Variants in ANGPT1 observed in about 807,000 individuals in gnomAD.
ANGPT1 encodes angiopoietin-1.
Under a neutral mutation model 62.2 loss-of-function variants are expected in ANGPT1, and 17 were observed. The observed-to-expected ratio is 0.27, with a 90% CI of 0.19 to 0.41. ANGPT1 has a LOEUF of 0.41. Ranked by LOEUF, ANGPT1 falls within the 10% of genes least tolerant of loss-of-function variation. The pLI is 1.00. For missense variants in ANGPT1, 478 were observed against 594.9 expected (o/e 0.80, Z 2.04); for synonymous variants, 199 against 198.9 (o/e 1.00, Z 0.00).
intron 2 of ANGPT1, among the ~76,000 whole-genome samples, chr8:107,343,859 C>T (rs560120210): frequency 3.9e-5 from 6 of 152,108 alleles, no homozygotes; most frequent in South Asian, 4.1e-4. Context: ...CCTAGGAGGT[C>T]GAGACCAGCC....
At chr8:107,453,600 C>T (rs1307699290) in intron 1 of ANGPT1, among the ~76,000 whole-genome samples, 1 of 152,044 alleles carries the variant, frequency 6.6e-6, no homozygotes, top group African/African-American at 2.4e-5. Flanking sequence ...CCTCCCACAA[C>T]ACATGGGAAT....
chr8:107,310,999 G>A (rs1335236287), intron 4 of ANGPT1, among the ~76,000 whole-genome samples: 1 of 151,128 alleles, frequency 6.6e-6, no homozygotes, highest in Non-Finnish European at 1.5e-5. Flanking sequence ...GTGTATGTGT[G>A]TGACTGTGTG....
intron 3 of ANGPT1, among the ~76,000 whole-genome samples, chr8:107,323,095 T>C (rs1243925530): frequency 6.6e-6 from 1 of 152,198 alleles, no homozygotes; most frequent in Non-Finnish European, 1.5e-5. Flanking sequence ...GCTCAGAGTG[T>C]TGAAATCTTT....
rs139817221 is a variant in ANGPT1, at chr8:107,484,375, T to C, written c.297+12887A>G. ...GACACTGTTTACCAAGGTAGATTTATTAATACCTTATTTTAAAAAATCATT... is the reference window on the plus strand; with the variant it reads ...GACACTGTTTACCAAGGTAGATTTACTAATACCTTATTTTAAAAAATCATT... On this transcript the variant is annotated intron_variant, in intron 1 of 8. Transcript: ENST00000517746. 4.7e-4 allele frequency among the ~76,000 whole-genome samples: 71 copies of C among 152,312 alleles called. 1 individual carries two copies. The highest frequency in any genetic ancestry group is 1.5e-3 in the African/African-American group (64 of 41,580).
At chr8:107,361,915 C>T (rs1816174576) in intron 1 of ANGPT1, among the ~76,000 whole-genome samples, 1 of 151,932 alleles carries the variant, frequency 6.6e-6, no homozygotes, top group Non-Finnish European at 1.5e-5. Flanking sequence ...AAAACTTAGC[C>T]AGGTGTGGTG....
chr8:107,252,855 C>T (rs904603189), intron 8 of ANGPT1, among the ~76,000 whole-genome samples: 14 of 152,266 alleles, frequency 9.2e-5, no homozygotes, highest in African/African-American at 3.4e-4. Context: ...GCTGAAGTAA[C>T]ACTACTGAAT....
chr8:107,377,065 G>A (rs954633778), intron 1 of ANGPT1, among the ~76,000 whole-genome samples: 1 of 152,060 alleles, frequency 6.6e-6, no homozygotes, highest in Non-Finnish European at 1.5e-5. Context: ...GTAATGAAGT[G>A]TAAGGATGAA....
chr8:107,291,140 G>C (rs1157418199), intron 6 of ANGPT1, among the ~76,000 whole-genome samples: 1 of 152,152 alleles, frequency 6.6e-6, no homozygotes, highest in East Asian at 1.9e-4. Context: ...CATGAATTCA[G>C]ATGGTTTGCA....
At chr8:107,435,752 C>A (rs1245605707) in intron 1 of ANGPT1, among the ~76,000 whole-genome samples, 1 of 152,192 alleles carries the variant, frequency 6.6e-6, no homozygotes. Flanking sequence ...TTATTCATTG[C>A]CCACCATGTG....
intron 1 of ANGPT1, among the ~76,000 whole-genome samples, chr8:107,435,675 A>G (rs867379395): frequency 3.5e-4 from 54 of 152,262 alleles, no homozygotes; most frequent in African/African-American, 1.2e-3. Flanking sequence ...AAAGCTCAAG[A>G]TTGTTTCTCA....
At position 107,285,468 on chromosome 8, in the gene ANGPT1, G is replaced by C. The variant is rs1229283599; in HGVS notation, c.1039-620C>G. The stretch of plus-strand genomic sequence containing the variant: ...TTTTTAAATATTAATAAGCAACCCT[G>C]TAAATCCATGACTGTAATTATTTAC... On this transcript the variant is annotated intron_variant, in intron 6 of 8. Transcript: ENST00000517746. Among the ~76,000 whole-genome samples, 4 of 152,126 alleles carry C rather than the reference G, an allele frequency of 2.6e-5. No homozygotes were observed. The South Asian group carries it at 8.3e-4, about 32-fold the overall frequency.
intron 1 of ANGPT1, among the ~76,000 whole-genome samples, chr8:107,496,403 T>C (rs1306613828): frequency 1.3e-5 from 2 of 152,238 alleles, no homozygotes; most frequent in African/African-American, 4.8e-5. Flanking sequence ...TTCGATTTGA[T>C]TTCTATAAAT....
At chr8:107,352,241 T>A (rs895557226) in intron 1 of ANGPT1, among the ~76,000 whole-genome samples, 1 of 152,212 alleles carries the variant, frequency 6.6e-6, no homozygotes. Flanking sequence ...TGACCATTTT[T>A]TAATTTATAC....
intron 1 of ANGPT1, among the ~76,000 whole-genome samples, chr8:107,450,798 T>C (rs1811755887): frequency 1.3e-5 from 2 of 151,564 alleles, no homozygotes; most frequent in South Asian, 4.2e-4. Context: ...AAAGTTATAA[T>C]AATACTAGTA....
At chr8:107,424,658 A>C (rs1263788440) in intron 1 of ANGPT1, among the ~76,000 whole-genome samples, 1 of 152,242 alleles carries the variant, frequency 6.6e-6, no homozygotes, top group Non-Finnish European at 1.5e-5. Context: ...AACATTGGGC[A>C]GCCATTCACA....
chr8:107,333,229 C>T (rs1270896583), intron 3 of ANGPT1, among the ~76,000 whole-genome samples: 1 of 151,982 alleles, frequency 6.6e-6, no homozygotes, highest in Non-Finnish European at 1.5e-5. Context: ...GCCAATACTC[C>T]ATCACACACA....
At chr8:107,336,310 C>T (rs763366144) in intron 2 of ANGPT1, 39 bp from the exon 3 acceptor site, 10 of 1,548,024 alleles carry the variant, frequency 6.5e-6, no homozygotes, top group African/African-American at 1.4e-5. Context: ...ACTTCAGTCA[C>T]GAATCAAAGA....
chr8:107,435,267 C>T (rs1034136492), intron 1 of ANGPT1, among the ~76,000 whole-genome samples: 2 of 152,084 alleles, frequency 1.3e-5, no homozygotes, highest in Admixed American at 6.5e-5. Context: ...TCATACCCCC[C>T]AAAAGCTGTT....
chr8:107,267,823 C>T (rs890169954), intron 7 of ANGPT1, among the ~76,000 whole-genome samples: 9 of 151,672 alleles, frequency 5.9e-5, no homozygotes, highest in African/African-American at 9.7e-5. Flanking sequence ...ATTTTCTGCA[C>T]GTACACATAG....
Sources: allele counts gnomAD v4.1 joint callset (sites outside exome capture counted in the v4.1 genomes callset), GRCh38; gene constraint gnomAD v4.1.1; transcripts MANE v1.5; gene names NCBI Gene and HGNC (gene_info 2026-07-23, HGNC 2026-07-21).